Variants in BRINP2 observed in about 807,000 individuals in gnomAD.
BRINP2 encodes BMP/retinoic acid-inducible neural-specific protein 2.
BRINP2 carries 21 observed loss-of-function variants against 69.2 expected under a neutral mutation model. That is an observed-to-expected ratio of 0.30 (90% CI 0.22 to 0.44). The LOEUF is 0.44. BRINP2 is among the 20% of genes least tolerant of loss of function. The pLI is 1.00. For missense variants in BRINP2, 877 were observed against 986.0 expected, an observed-to-expected ratio of 0.89 and a Z score of 1.48; for synonymous variants, 380 against 394.1, an observed-to-expected ratio of 0.96 and a Z score of 0.42.
At chr1:177,212,416 G>A (rs1357448983) in intron 1 of BRINP2, among the ~76,000 whole-genome samples, 1 of 152,068 alleles carries the variant, frequency 6.6e-6, no homozygotes, top group African/African-American at 2.4e-5. Context: ...ATGGTGGCGG[G>A]CACCTGTAGT....
At position 177,281,783 on chromosome 1, in the gene BRINP2, T is replaced by A. The variant is rs1651713700; in HGVS notation, c.*255T>A. The A allele has an allele frequency of 2.7e-6, 1 of 364,618 alleles. No homozygotes were observed. The highest frequency in any genetic ancestry group is 1.0e-4 in the South Asian group (1 of 9,596). The allele number at this position is 364,618 out of a possible 1,614,324, so 22.6% of individuals were successfully genotyped here. ...ACTAAGCAGCCTCAGATCTGTAAAG[T>A]TGATTGGTGCTTTCTAAAATGAATG... On this transcript the variant is annotated 3_prime_UTR_variant, in exon 8 of 8. Transcript: ENST00000361539.
intron 1 of BRINP2, among the ~76,000 whole-genome samples, chr1:177,197,075 A>G (rs995951638): frequency 2.0e-5 from 3 of 152,184 alleles, no homozygotes; most frequent in African/African-American, 7.2e-5. Flanking sequence ...TCACATTGAC[A>G]TAAAGAAATA....
intron 4 of BRINP2, among the ~76,000 whole-genome samples, chr1:177,265,151 C>G (rs1482524892): frequency 6.6e-6 from 1 of 152,118 alleles, no homozygotes; most frequent in Non-Finnish European, 1.5e-5. Context: ...AATAAAGCCA[C>G]TCATCTACAA....
At chr1:177,253,164 A>G (rs1045559584) in intron 2 of BRINP2, among the ~76,000 whole-genome samples, 13 of 152,076 alleles carry the variant, frequency 8.5e-5, no homozygotes, top group Non-Finnish European at 1.8e-4. Flanking sequence ...ACTCCCACCA[A>G]CAGTGTATTA....
intron 1 of BRINP2, among the ~76,000 whole-genome samples, chr1:177,219,628 A>G (rs1649468906): frequency 6.6e-6 from 1 of 152,246 alleles, no homozygotes; most frequent in African/African-American, 2.4e-5. Flanking sequence ...TCAGGGCATT[A>G]TCATTTTACA....
chr1:177,217,205 TA>T (rs954733088), intron 1 of BRINP2, among the ~76,000 whole-genome samples: 1 of 152,106 alleles, frequency 6.6e-6, no homozygotes, highest in African/African-American at 2.4e-5. Flanking sequence ...TCTTTATTAT[TA>T]TTATTTACTC....
At chr1:177,273,819 A>G (rs2102360940) in intron 5 of BRINP2, among the ~76,000 whole-genome samples, 1 of 152,284 alleles carries the variant, frequency 6.6e-6, no homozygotes, top group East Asian at 1.9e-4. Context: ...CTTATATCAC[A>G]TGACACCTCA....
chr1:177,207,001 C>T (rs1306893196), intron 1 of BRINP2, among the ~76,000 whole-genome samples: 2 of 152,154 alleles, frequency 1.3e-5, no homozygotes, highest in Non-Finnish European at 2.9e-5. Flanking sequence ...AGGGAGATTT[C>T]AGCTAATGAT....
At position 177,281,363 on chromosome 1, in the gene BRINP2, G is replaced by A; in HGVS notation, c.2187G>A (p.Gln729=). The A allele has an allele frequency of 6.2e-7, 1 of 1,614,162 alleles. No homozygotes were observed. ...TTGAGCTCAGGGACCGGGTGAACCA[G>A]CTTTCTCCACCTGGCAAAGTCCGAC... is the stretch of plus-strand genomic sequence containing the variant. ...QLIELRDRVN[Q]LSPPGKVRLD... Residue 729 remains glutamine, a synonymous_variant, in exon 8 of 8, where the codon CAG becomes CAA. Transcript: ENST00000361539.
chr1:177,260,749 G>A lies in BRINP2; in HGVS notation c.669+3365G>A, dbSNP rs1389462988. On this transcript the variant is annotated intron_variant, in intron 4 of 7. Coordinates refer to ENST00000361539, the MANE Select transcript of BRINP2 (RefSeq NM_021165.4). ...AGCAATAACATATTATTTAATTAAG[G>A]TATGTACATTGTTTGTTCAGACATA... 2.0e-5 allele frequency among the ~76,000 whole-genome samples: 3 copies of A among 152,260 alleles called. No individual in the cohort carries two copies. In the East Asian group the frequency reaches 5.8e-4, roughly 29 times the overall value.
chr1:177,236,778 G>A (rs1156458911), intron 2 of BRINP2, among the ~76,000 whole-genome samples: 2 of 152,158 alleles, frequency 1.3e-5, no homozygotes, highest in African/African-American at 2.4e-5. Context: ...TTTAGGAACT[G>A]AGCAGCCAGT....
chr1:177,270,799 A>G (rs1275823639), intron 4 of BRINP2, among the ~76,000 whole-genome samples: 1 of 152,154 alleles, frequency 6.6e-6, no homozygotes, highest in African/African-American at 2.4e-5. Flanking sequence ...TCTGTCCTTC[A>G]GCCCACCCTA....
chr1:177,229,427 G>A (rs1649795072), intron 1 of BRINP2, among the ~76,000 whole-genome samples: 1 of 152,212 alleles, frequency 6.6e-6, no homozygotes, highest in Admixed American at 6.5e-5. Context: ...GAGGAAGACA[G>A]AAATGGATGG....
chr1:177,176,900 G>C (rs1237089571), intron 1 of BRINP2, among the ~76,000 whole-genome samples: 1 of 152,148 alleles, frequency 6.6e-6, no homozygotes, highest in Non-Finnish European at 1.5e-5. Flanking sequence ...GTTTTTGAAT[G>C]ACAGTAGAAA....
chr1:177,175,461 T>C lies in BRINP2; in HGVS notation c.-77+3729T>C, dbSNP rs193199338. ...CACACATTTGCTCCCACAGTGGGCA[T>C]CTCTCCCAGAGGAAAGGTCAAGGCA... On this transcript the variant is annotated intron_variant, in intron 1 of 7. Coordinates refer to ENST00000361539, the MANE Select transcript of BRINP2 (RefSeq NM_021165.4). Among the ~76,000 whole-genome samples the C allele has an allele frequency of 7.9e-5, 12 of 152,214 alleles. No individual in the cohort carries two copies. In the East Asian group the frequency reaches 2.3e-3, roughly 30 times the overall value.
chr1:177,253,066 T>C (rs1650633337), intron 2 of BRINP2, among the ~76,000 whole-genome samples: 1 of 152,124 alleles, frequency 6.6e-6, no homozygotes, highest in South Asian at 2.1e-4. Flanking sequence ...ATGTACCTAG[T>C]AGTGAGATTG....
At chr1:177,212,658 G>A (rs1649259687) in intron 1 of BRINP2, among the ~76,000 whole-genome samples, 1 of 152,132 alleles carries the variant, frequency 6.6e-6, no homozygotes, top group African/African-American at 2.4e-5. Flanking sequence ...TCAGTAGCTT[G>A]GAACCTAGTA....
chr1:177,232,706 G>A (rs1649900276), intron 2 of BRINP2, among the ~76,000 whole-genome samples: 1 of 151,904 alleles, frequency 6.6e-6, no homozygotes, highest in Non-Finnish European at 1.5e-5. Context: ...ACTAAAGCAG[G>A]TCAAAGAAAA....
At chr1:177,215,298 G>A (rs560183516) in intron 1 of BRINP2, among the ~76,000 whole-genome samples, 5 of 152,242 alleles carry the variant, frequency 3.3e-5, no homozygotes, top group African/African-American at 1.2e-4. Flanking sequence ...AAATGACATT[G>A]GGATTCTGAT....
Sources: gnomAD v4.1 joint callset for allele counts (sites outside exome capture counted in the v4.1 genomes callset) on GRCh38, gnomAD v4.1.1 for gene constraint, MANE v1.5 for transcripts, NCBI Gene and HGNC (gene_info 2026-07-23, HGNC 2026-07-21) for gene names.